PARD3: variants seen among roughly 807,000 people sequenced by gnomAD.
PARD3 encodes par-3 family cell polarity regulator.
In PARD3, 75 loss-of-function variants were observed where a neutral mutation model predicts 155.4. That is an observed-to-expected ratio of 0.48 (90% CI 0.40 to 0.58). The LOEUF is 0.58. Among genes scored for constraint, PARD3 ranks in the 20% least tolerant of loss-of-function variants. The pLI, the probability that PARD3 is intolerant of heterozygous loss-of-function variation, is 0.00. For missense variants in PARD3, 1,642 were observed against 1,721.7 expected, an observed-to-expected ratio of 0.95 and a Z score of 0.82; for synonymous variants, 576 against 610.5, an observed-to-expected ratio of 0.94 and a Z score of 0.83.
At chr10:34,354,620 G>A (rs1351564001) in intron 14 of PARD3, among the ~76,000 whole-genome samples, 1 of 152,096 alleles carries the variant, frequency 6.6e-6, no homozygotes, top group Non-Finnish European at 1.5e-5. Context: ...AGAGAAAATG[G>A]AAAATGAAAG....
At chr10:34,426,317 G>C (rs916729636) in intron 5 of PARD3, among the ~76,000 whole-genome samples, 1 of 152,134 alleles carries the variant, frequency 6.6e-6, no homozygotes, top group African/African-American at 2.4e-5. Flanking sequence ...AGCAAACTGA[G>C]TTTCCTCGTT....
At chr10:34,747,524 T>C (rs1835464489) in intron 1 of PARD3, among the ~76,000 whole-genome samples, 2 of 152,244 alleles carry the variant, frequency 1.3e-5, no homozygotes, top group South Asian at 4.1e-4. Flanking sequence ...TAACTTTTAC[T>C]GACATCTTAT....
At chr10:34,541,738 A>C (rs2083624340) in intron 2 of PARD3, among the ~76,000 whole-genome samples, 1 of 152,232 alleles carries the variant, frequency 6.6e-6, no homozygotes, top group African/African-American at 2.4e-5. Flanking sequence ...CATTAAAATT[A>C]AGCCAATATT....
intron 22 of PARD3, among the ~76,000 whole-genome samples, chr10:34,173,786 C>G (rs1258219640): frequency 6.6e-6 from 1 of 152,178 alleles, no homozygotes; most frequent in Non-Finnish European, 1.5e-5. Flanking sequence ...ACTGAATAAG[C>G]CACCCAGTCA....
At chr10:34,238,463 A>T (rs1189142584) in intron 22 of PARD3, among the ~76,000 whole-genome samples, 1 of 152,198 alleles carries the variant, frequency 6.6e-6, no homozygotes, top group Non-Finnish European at 1.5e-5. Flanking sequence ...GTTCCACTTA[A>T]ACAATACAAA....
At chr10:34,211,023 A>T (rs776419105) in intron 22 of PARD3, among the ~76,000 whole-genome samples, 1 of 152,170 alleles carries the variant, frequency 6.6e-6, no homozygotes, top group Non-Finnish European at 1.5e-5. Flanking sequence ...AGGTCTTTGC[A>T]TGTGTTATCT....
chr10:34,503,534 G>GT (rs752790958), intron 3 of PARD3, among the ~76,000 whole-genome samples: 18 of 152,028 alleles, frequency 1.2e-4, no homozygotes, highest in Non-Finnish European at 2.4e-4. Flanking sequence ...ACGTATATAT[G>GT]TATTTGTATA....
At chr10:34,476,195 C>T (rs1280778376) in intron 3 of PARD3, among the ~76,000 whole-genome samples, 2 of 152,094 alleles carry the variant, frequency 1.3e-5, no homozygotes, top group Non-Finnish European at 2.9e-5. Context: ...GTGTTTTATG[C>T]CGACATCATC....
chr10:34,647,988 G>C (rs751586115), intron 2 of PARD3, among the ~76,000 whole-genome samples: 3 of 152,192 alleles, frequency 2.0e-5, no homozygotes, highest in South Asian at 2.1e-4. Context: ...CTCTGTACAT[G>C]TAGATATGTG....
chr10:34,516,653 G>T (rs558904205), intron 3 of PARD3, among the ~76,000 whole-genome samples: 1 of 152,322 alleles, frequency 6.6e-6, no homozygotes, highest in South Asian at 2.1e-4. Context: ...TTGTTTCAGT[G>T]CAAAGCTCTT....
intron 2 of PARD3, among the ~76,000 whole-genome samples, chr10:34,581,497 G>C (rs1298183112): frequency 6.6e-6 from 1 of 151,786 alleles, no homozygotes; most frequent in African/African-American, 2.4e-5. Flanking sequence ...GCCTCCCAAA[G>C]TGCTGGGATT....
intron 24 of PARD3, among the ~76,000 whole-genome samples, chr10:34,111,791 C>T (rs1421774729): frequency 6.6e-6 from 1 of 152,148 alleles, no homozygotes; most frequent in Non-Finnish European, 1.5e-5. Context: ...GGAGAGAGAA[C>T]TAGACTGTGC....
chr10:34,394,378 T>G (rs911908693), intron 7 of PARD3, among the ~76,000 whole-genome samples: 6 of 151,984 alleles, frequency 3.9e-5, no homozygotes, highest in African/African-American at 1.4e-4. Flanking sequence ...CAAGCTGGAG[T>G]ACAGTGGCAT....
At chr10:34,239,852 T>A (rs1177057882) in intron 22 of PARD3, among the ~76,000 whole-genome samples, 1 of 151,818 alleles carries the variant, frequency 6.6e-6, no homozygotes, top group Non-Finnish European at 1.5e-5. Context: ...TACCCTACCA[T>A]CTTTTGATAA....
At chr10:34,548,370 A>T (rs2084274729) in intron 2 of PARD3, among the ~76,000 whole-genome samples, 1 of 152,054 alleles carries the variant, frequency 6.6e-6, no homozygotes. Flanking sequence ...ATGGTGGTAC[A>T]TGACTGTAGT....
chr10:34,283,397 G>A (rs983822873), intron 21 of PARD3, among the ~76,000 whole-genome samples: 4 of 152,106 alleles, frequency 2.6e-5, no homozygotes, highest in Non-Finnish European at 5.9e-5. Flanking sequence ...CTGTGAACCT[G>A]TAAACTCTAA....
At chr10:34,364,118 T>C (rs2134538829) in intron 12 of PARD3, among the ~76,000 whole-genome samples, 1 of 152,232 alleles carries the variant, frequency 6.6e-6, no homozygotes, top group South Asian at 2.1e-4. Context: ...CCACAGTTAA[T>C]CTGCAGCAAA....
chr10:34,233,817 G>A (rs1449565143), intron 22 of PARD3, among the ~76,000 whole-genome samples: 2 of 152,060 alleles, frequency 1.3e-5, no homozygotes, highest in Admixed American at 1.3e-4. Context: ...CCCTCACACA[G>A]GCTTCCCTGC....
chr10:34,814,708 C>G (rs1339220092), intron 1 of PARD3, among the ~76,000 whole-genome samples, 168 bp downstream of exon 1: 2 of 151,838 alleles, frequency 1.3e-5, no homozygotes, highest in South Asian at 4.1e-4. Context: ...GCGCAGAGAA[C>G]TTTGGCGCCC....
Sources: allele counts gnomAD v4.1 joint callset (sites outside exome capture counted in the v4.1 genomes callset), GRCh38; gene constraint gnomAD v4.1.1; transcripts MANE v1.5; gene names NCBI Gene and HGNC (gene_info 2026-07-23, HGNC 2026-07-21).